Variants in SPMIP11 observed in about 807,000 individuals in gnomAD.
SPMIP11 encodes sperm microtubule inner protein 11.
chr12:48,751,054 T>C, the SPMIP11 span, among the ~76,000 whole-genome samples: 1 of 152,186 alleles, frequency 6.6e-6, no homozygotes, highest in East Asian at 1.9e-4. Flanking sequence ...TTTTAAGTCA[T>C]TCACAATTTT....
At chr12:48,739,801 A>G in the SPMIP11 span, among the ~76,000 whole-genome samples, 1 of 152,176 alleles carries the variant, frequency 6.6e-6, no homozygotes, top group South Asian at 2.1e-4. Context: ...CTCCTCCAAC[A>G]CTGGAGATTA....
At chr12:48,736,786 G>C in the SPMIP11 span, among the ~76,000 whole-genome samples, 1 of 151,632 alleles carries the variant, frequency 6.6e-6, no homozygotes, top group Non-Finnish European at 1.5e-5. Flanking sequence ...ATGTTTATGA[G>C]TCCAGAATGG....
the SPMIP11 span, among the ~76,000 whole-genome samples, chr12:48,756,914 T>C: frequency 2.0e-5 from 3 of 151,970 alleles, no homozygotes. Context: ...GTAGCTGGGA[T>C]TACAGGCGTG....
chr12:48,754,458 A>AT, the SPMIP11 span, among the ~76,000 whole-genome samples: 215 of 144,944 alleles, frequency 1.5e-3, no homozygotes, highest in Non-Finnish European at 2.7e-3. Flanking sequence ...AGCCTGAGGC[A>AT]TTTTTTTTTT....
the SPMIP11 span, among the ~76,000 whole-genome samples, chr12:48,745,258 G>A: frequency 1.3e-5 from 2 of 151,150 alleles, no homozygotes; most frequent in African/African-American, 4.9e-5. Context: ...AGCCTGGGGG[G>A]CAGTGTGAGA....
the SPMIP11 span, among the ~76,000 whole-genome samples, chr12:48,752,066 C>CAAAAAAAAAAAAAAAAAAA: frequency 9.8e-6 from 1 of 101,820 alleles, no homozygotes; most frequent in Non-Finnish European, 1.8e-5. Context: ...GACTCTGCCT[C>CAAAAAAAAAAAAAAAAAAA]AAAAAAAAAA....
chr12:48,742,271 T>C, the SPMIP11 span, among the ~76,000 whole-genome samples: 10 of 132,820 alleles, frequency 7.5e-5, no homozygotes, highest in Admixed American at 5.3e-4. Context: ...ATTTTTCTTT[T>C]CTTTTCCTTT....
At chr12:48,756,379 T>TC in the SPMIP11 span, among the ~76,000 whole-genome samples, 1 of 152,172 alleles carries the variant, frequency 6.6e-6, no homozygotes, top group Admixed American at 6.5e-5. Context: ...CTGTTGCTTC[T>TC]CCAAGTCCTC....
the SPMIP11 span, among the ~76,000 whole-genome samples, chr12:48,755,196 T>A: frequency 1.3e-5 from 2 of 152,222 alleles, no homozygotes; most frequent in Non-Finnish European, 2.9e-5. Flanking sequence ...AGTACTTTTA[T>A]ATGACCCTAC....
At chr12:48,762,961 T>C in the SPMIP11 span, among the ~76,000 whole-genome samples, 1 of 151,394 alleles carries the variant, frequency 6.6e-6, no homozygotes, top group African/African-American at 2.4e-5. Flanking sequence ...GGTCTTGAAC[T>C]CCTGGGCTCA....
the SPMIP11 span, among the ~76,000 whole-genome samples, chr12:48,769,996 C>T: frequency 2.0e-5 from 3 of 151,574 alleles, no homozygotes; most frequent in Non-Finnish European, 2.9e-5. Context: ...CTCTTGACCT[C>T]GTGATCCGCC....
At chr12:48,768,704 G>C in the SPMIP11 span, 2 of 1,614,080 alleles carry the variant, frequency 1.2e-6, no homozygotes, top group Non-Finnish European at 1.7e-6. Flanking sequence ...ACCTGGTACA[G>C]GTCCGTGGTC....
the SPMIP11 span, among the ~76,000 whole-genome samples, chr12:48,761,721 T>C: frequency 7.4e-6 from 1 of 134,232 alleles, no homozygotes. Context: ...ATAACATTCT[T>C]TTTTTTTTTT....
At chr12:48,734,579 G>C in the SPMIP11 span, among the ~76,000 whole-genome samples, 1 of 152,174 alleles carries the variant, frequency 6.6e-6, no homozygotes, top group Non-Finnish European at 1.5e-5. Flanking sequence ...TTGCCTGTGT[G>C]TAATCACCTC....
the SPMIP11 span, among the ~76,000 whole-genome samples, chr12:48,763,331 A>G: frequency 3.9e-5 from 6 of 151,960 alleles, no homozygotes; most frequent in African/African-American, 1.5e-4. Context: ...GCACCATCAC[A>G]CTGGGCTAAT....
the SPMIP11 span, among the ~76,000 whole-genome samples, chr12:48,749,474 A>C: frequency 6.6e-6 from 1 of 150,546 alleles, no homozygotes; most frequent in Non-Finnish European, 1.5e-5. Context: ...ACTAAAAATA[A>C]AAAATTAGCC....
chr12:48,760,612 C>T, the SPMIP11 span, among the ~76,000 whole-genome samples: 1 of 152,084 alleles, frequency 6.6e-6, no homozygotes, highest in African/African-American at 2.4e-5. Context: ...CTGCAACCTC[C>T]GCCTCCCTTG....
At chr12:48,757,446 G>T in the SPMIP11 span, among the ~76,000 whole-genome samples, 2 of 151,494 alleles carry the variant, frequency 1.3e-5, no homozygotes, top group Non-Finnish European at 2.9e-5. Flanking sequence ...AGGAGTTGGA[G>T]ACCAGCCTGG....
the SPMIP11 span, among the ~76,000 whole-genome samples, chr12:48,729,706 CT>C: frequency 9.6e-6 from 1 of 104,250 alleles, no homozygotes; most frequent in Non-Finnish European, 2.0e-5. Flanking sequence ...AAGACTCCGT[CT>C]AAAAAAAAAA....
Sources: allele counts gnomAD v4.1 joint callset (sites outside exome capture counted in the v4.1 genomes callset), GRCh38; gene constraint gnomAD v4.1.1; transcripts MANE v1.5; gene names NCBI Gene and HGNC (gene_info 2026-07-23, HGNC 2026-07-21).